ARNT: variants seen among roughly 807,000 people sequenced by gnomAD.
ARNT encodes the protein class E basic helix-loop-helix protein 2.
In ARNT, 30 loss-of-function variants were observed where a neutral mutation model predicts 105.0. The ratio of observed to expected loss-of-function variants is 0.29; its 90% CI spans 0.21 to 0.39. ARNT has a LOEUF of 0.39. ARNT is among the 10% of genes least tolerant of loss of function. The pLI, the probability that ARNT is intolerant of heterozygous loss-of-function variation, is 1.00. For synonymous variants in ARNT, 304 were observed against 344.0 expected, an observed-to-expected ratio of 0.88 and a Z score of 1.29; for missense variants, 748 against 978.7, an observed-to-expected ratio of 0.76 and a Z score of 3.15.
chr1:150,866,367 A>C (rs1666594210), intron 1 of ARNT, among the ~76,000 whole-genome samples: 1 of 152,174 alleles, frequency 6.6e-6, no homozygotes, highest in Non-Finnish European at 1.5e-5. Context: ...AATGTGAATA[A>C]TCTTATTCTC....
chr1:150,817,180 G>A lies in ARNT; in HGVS notation c.1601C>T (p.Thr534Ile), dbSNP rs755618528. The A allele has an allele frequency of 1.2e-6, 2 of 1,614,162 alleles. No homozygotes were observed. The highest frequency in any genetic ancestry group is 3.3e-5 in the Admixed American group (2 of 60,024). ...AAGGGGCTTGCTGTGTTCTGGTCCTGTGGTTGTCACAGGCTGAACCACCTG... is the reference window on the plus strand; with the variant it reads ...AAGGGGCTTGCTGTGTTCTGGTCCTATGGTTGTCACAGGCTGAACCACCTG... ...HSQVVQPVTT[T>I]GPEHSKPLEK... Residue 534 changes from threonine (T) to isoleucine (I), a missense_variant, in exon 17 of 22, where the codon ACA becomes ATA. Thr to Ile is a moderately conservative substitution (Grantham distance 89). Coordinates refer to ENST00000358595, the MANE Select transcript of ARNT (RefSeq NM_001668.4).
intron 1 of ARNT, among the ~76,000 whole-genome samples, chr1:150,858,732 C>T (rs587697517): frequency 9.2e-5 from 14 of 151,848 alleles, no homozygotes; most frequent in African/African-American, 3.4e-4. Context: ...AGCAATCCTC[C>T]CACCTCAGCT....
intron 14 of ARNT, 98 bp from the exon 15 acceptor site, chr1:150,818,128 T>C (rs1362111034): frequency 7.5e-6 from 6 of 799,686 alleles, no homozygotes; most frequent in Non-Finnish European, 1.2e-5. Flanking sequence ...TAAAGCTCTA[T>C]AGATTCATCT....
chr1:150,858,576 C>T (rs1665035922), intron 1 of ARNT, 116 bp from the exon 2 acceptor site: 2 of 791,354 alleles, frequency 2.5e-6, no homozygotes, highest in Admixed American at 5.4e-5. Context: ...CAGCAGTTTG[C>T]TAAAAATCCC....
In ARNT at chr1:150,840,343, G is replaced by T. The variant is rs373782271; in HGVS notation, c.273-689C>A. ...CTATGGAACATATAACCTCAGCTTGGTTAACTCCCATGCTTACTAATTCAA... is the reference window on the plus strand; with the variant it reads ...CTATGGAACATATAACCTCAGCTTGTTTAACTCCCATGCTTACTAATTCAA... On this transcript the variant is annotated intron_variant, in intron 5 of 21. Transcript: ENST00000358595. Among the ~76,000 whole-genome samples, 63 of 152,244 alleles carry T rather than the reference G, an allele frequency of 4.1e-4. No individual in the cohort carries two copies. In the South Asian group the frequency reaches 0.013, roughly 32 times the overall value.
chr1:150,868,329 C>T lies in ARNT; in HGVS notation c.25+8214G>A, dbSNP rs1200378177. Among the ~76,000 whole-genome samples the T allele has an allele frequency of 6.6e-5, 10 of 151,942 alleles. No homozygotes were observed. The South Asian group carries it at 1.5e-3, about 22-fold the overall frequency. On this transcript the variant is annotated intron_variant, in intron 1 of 21. Coordinates refer to ENST00000358595, the MANE Select transcript of ARNT (RefSeq NM_001668.4). ...CCCTGTCTCAAAGAAGAGTCCTAGC[C>T]TCAAGGGTGAGAAGAGAAAAGTAGA...
Position 150,836,415 on chromosome 1 carries a change from C to G in ARNT, c.565G>C (p.Val189Leu). The change falls in exon 7 of 22, where the codon GTG becomes CTG. Residue 189 changes from valine (V) to leucine (L), a missense_variant. Val to Leu is a conservative substitution (Grantham distance 32). This residue lies in a region of ARNT where 291 missense variants were observed against 444.6 expected (regional missense o/e 0.65). Coordinates refer to ENST00000358595, the MANE Select transcript of ARNT (RefSeq NM_001668.4). ...VSCETGRVVYVSDSVTPVLNQ... is the reference protein window; with the variant it reads ...VSCETGRVVYLSDSVTPVLNQ... ...AAAACAGGAGTCACGGAGTCAGACA[C>G]ATACACCACCCTGCCTGTCTCACAT... 6.2e-7 allele frequency: 1 copy of G among 1,614,160 alleles called. No homozygotes were observed.
chr1:150,859,524 CT>C (rs1242373941), intron 1 of ARNT, among the ~76,000 whole-genome samples: 2 of 148,384 alleles, frequency 1.3e-5, no homozygotes, highest in Admixed American at 6.7e-5. Flanking sequence ...TTTTTTTTTT[CT>C]TTTTTTTTCT....
chr1:150,814,696 A>G (rs1414572122), intron 19 of ARNT, among the ~76,000 whole-genome samples: 3 of 152,154 alleles, frequency 2.0e-5, no homozygotes, highest in African/African-American at 7.2e-5. Flanking sequence ...TACAAAAATT[A>G]GCTGGGCATG....
intron 5 of ARNT, among the ~76,000 whole-genome samples, chr1:150,840,887 A>C (rs1440459255): frequency 1.3e-5 from 2 of 151,888 alleles, no homozygotes; most frequent in Non-Finnish European, 2.9e-5. Flanking sequence ...CAAGGAGATA[A>C]TCATGCAACA....
At chr1:150,816,184 C>T in intron 19 of ARNT, 75 bp downstream of exon 19, 2 of 1,512,452 alleles carry the variant, frequency 1.3e-6, no homozygotes, top group Non-Finnish European at 1.8e-6. Flanking sequence ...ATAGAAAACA[C>T]TGATTTTACA....
At chr1:150,813,124 C>G (rs1434523484) in intron 21 of ARNT, 48 bp downstream of exon 21, 1 of 1,587,638 alleles carries the variant, frequency 6.3e-7, no homozygotes, top group Non-Finnish European at 8.6e-7. Context: ...CCTCCTGGAC[C>G]CTTTCTCTCC....
In ARNT at chr1:150,846,260, T is replaced by C; in HGVS notation, c.227+3A>G. ...TACAATATATTACCTACTACAATATTACCTGGCAAACCGCTCCTTATCGTT... is the reference window on the plus strand; with the variant it reads ...TACAATATATTACCTACTACAATATCACCTGGCAAACCGCTCCTTATCGTT... On this transcript the variant is annotated splice_donor_region_variant and intron_variant, in intron 4 of 21. Coordinates refer to ENST00000358595, the MANE Select transcript of ARNT (RefSeq NM_001668.4). The C allele has an allele frequency of 6.2e-7, 1 of 1,610,330 alleles. No individual in the cohort carries two copies. The highest frequency in any genetic ancestry group is 8.5e-7 in the Non-Finnish European group (1 of 1,176,656).
chr1:150,854,722 T>C lies in ARNT; in HGVS notation c.138-1916A>G, dbSNP rs190949799. On this transcript the variant is annotated intron_variant, in intron 2 of 21. Transcript: ENST00000358595. ...AAATACAAAAATTAGCTGGGTGTGG[T>C]GGCGGGCACCTGTAATCCCAGCTAC... 3.3e-3 allele frequency among the ~76,000 whole-genome samples: 496 copies of C among 151,718 alleles called. 2 individuals are homozygous for C. The highest frequency in any genetic ancestry group is 0.011 in the African/African-American group (475 of 41,370).
At chr1:150,820,649 C>T (rs587596489) in intron 14 of ARNT, among the ~76,000 whole-genome samples, 34 of 150,376 alleles carry the variant, frequency 2.3e-4, no homozygotes, top group Middle Eastern at 3.4e-3. Flanking sequence ...AGAGCGAGAC[C>T]CTGTCTGAAA....
At chr1:150,828,159 T>C (rs1390910221) in intron 12 of ARNT, among the ~76,000 whole-genome samples, 1 of 152,160 alleles carries the variant, frequency 6.6e-6, no homozygotes, top group African/African-American at 2.4e-5. Flanking sequence ...ATCCAATTTA[T>C]AATTTTTTTT....
intron 4 of ARNT, among the ~76,000 whole-genome samples, chr1:150,843,461 T>C (rs1365113573): frequency 6.6e-6 from 1 of 152,140 alleles, no homozygotes; most frequent in African/African-American, 2.4e-5. Flanking sequence ...AATAACCTTA[T>C]CAATATATGG....
chr1:150,846,016 G>A (rs1303451458), intron 4 of ARNT, among the ~76,000 whole-genome samples: 2 of 152,142 alleles, frequency 1.3e-5, no homozygotes, highest in South Asian at 2.1e-4. Flanking sequence ...AACCTTGCAA[G>A]CACATTGCTT....
In ARNT at chr1:150,842,173, A is replaced by C. The variant is rs1001880801; in HGVS notation, c.272+251T>G. On this transcript the variant is annotated intron_variant, in intron 5 of 21. Coordinates refer to ENST00000358595, the MANE Select transcript of ARNT (RefSeq NM_001668.4). ...TGTGAAACTTAGTACTGACATAAAG[A>C]GAAAAAGAAAAAAAAACTTAAAACT... The C allele has an allele frequency of 5.4e-6, 4 of 738,766 alleles. No individual in the cohort carries two copies. The African/African-American group carries it at 7.6e-5, about 14-fold the overall frequency. 45.8% of individuals were successfully genotyped at this position (738,766 alleles called of 1,614,324 possible).
Sources: gnomAD v4.1 joint callset for allele counts (sites outside exome capture counted in the v4.1 genomes callset) on GRCh38, gnomAD v4.1.1 for gene constraint, gnomAD v4.1.1 regional missense constraint, MANE v1.5 for transcripts, NCBI Gene and HGNC (gene_info 2026-07-23, HGNC 2026-07-21) for gene names.